Variants in ARHGAP39 observed in about 807,000 individuals in gnomAD.
ARHGAP39 encodes rho GTPase-activating protein 39.
ARHGAP39 carries 44 observed loss-of-function variants against 106.9 expected under a neutral mutation model. The observed-to-expected ratio is 0.41, with a 90% CI of 0.32 to 0.53. The LOEUF (loss-of-function observed/expected upper bound fraction) is 0.53, where lower values mean the gene tolerates loss of function less well. Ranked by LOEUF, ARHGAP39 falls within the 20% of genes least tolerant of loss-of-function variation. ARHGAP39 has a pLI of 0.21. For missense variants in ARHGAP39, 1,496 were observed against 1,577.3 expected, an observed-to-expected ratio of 0.95 and a Z score of 0.87; for synonymous variants, 768 against 693.2, an observed-to-expected ratio of 1.11 and a Z score of -1.69.
At chr8:144,692,829 G>A in the ARHGAP39 span, among the ~76,000 whole-genome samples, 2 of 139,176 alleles carry the variant, frequency 1.4e-5, no homozygotes, top group African/African-American at 2.7e-5. Context: ...GTGTGATCTC[G>A]GCTCACCACA....
intron 1 of ARHGAP39, among the ~76,000 whole-genome samples, chr8:144,662,475 TCC>T (rs1821853014): frequency 5.1e-5 from 3 of 59,142 alleles, no homozygotes; most frequent in Admixed American, 1.6e-4. Flanking sequence ...GGGTCACTCC[TCC>T]CCTCCCCATT....
intron 7 of ARHGAP39, among the ~76,000 whole-genome samples, chr8:144,536,404 G>A (rs572005145): frequency 6.6e-6 from 1 of 152,274 alleles, no homozygotes; most frequent in African/African-American, 2.4e-5. Context: ...GGGCCGCAAT[G>A]TCCCACTGGG....
At chr8:144,620,276 C>T (rs1409277859) in intron 1 of ARHGAP39, among the ~76,000 whole-genome samples, 17 of 134,100 alleles carry the variant, frequency 1.3e-4, no homozygotes, top group South Asian at 2.7e-4. Context: ...CGTGTGTGCC[C>T]GTGTCTGTTA....
chr8:144,554,651 ACT>A (rs962656868), intron 4 of ARHGAP39, among the ~76,000 whole-genome samples: 6 of 152,066 alleles, frequency 3.9e-5, no homozygotes, highest in African/African-American at 1.4e-4. Flanking sequence ...GAGCTCTGTC[ACT>A]CTGCAGTGAC....
chr8:144,660,882 G>T (rs769910618), intron 1 of ARHGAP39, among the ~76,000 whole-genome samples: 1 of 152,086 alleles, frequency 6.6e-6, no homozygotes, highest in Non-Finnish European at 1.5e-5. Flanking sequence ...TACTCGGGAC[G>T]CTGAGGCAGG....
At chr8:144,675,590 G>A (rs773849975) in intron 1 of ARHGAP39, among the ~76,000 whole-genome samples, 1 of 151,916 alleles carries the variant, frequency 6.6e-6, no homozygotes, top group Non-Finnish European at 1.5e-5. Flanking sequence ...GAGTGAAGCT[G>A]CAGACCTTTG....
chr8:144,596,836 C>G (rs1243145828), intron 2 of ARHGAP39, among the ~76,000 whole-genome samples: 1 of 152,212 alleles, frequency 6.6e-6, no homozygotes, highest in Non-Finnish European at 1.5e-5. Context: ...TCCTCCAGAC[C>G]CGCAAGGGTA....
chr8:144,677,998 T>C (rs1822286770), intron 1 of ARHGAP39, among the ~76,000 whole-genome samples: 1 of 151,656 alleles, frequency 6.6e-6, no homozygotes, highest in African/African-American at 2.4e-5. Context: ...TGTCAACGAG[T>C]CCCTCCCCCT....
At position 144,585,138 on chromosome 8, in the gene ARHGAP39, C is replaced by G. The variant is rs1819130758; in HGVS notation, c.81-3861G>C. Among the ~76,000 whole-genome samples the G allele has an allele frequency of 6.6e-6, 1 of 152,180 alleles. No individual in the cohort carries two copies. Among genetic ancestry groups the G allele is most frequent in the African/African-American group, 2.4e-5 (1 of 41,446 alleles). ...CGCCCTCTCCCGATTGGCCCTGTGTCCCTCTCTGCTTTCACAGGACCATTA... is the reference window on the plus strand; with the variant it reads ...CGCCCTCTCCCGATTGGCCCTGTGTGCCTCTCTGCTTTCACAGGACCATTA... On this transcript the variant is annotated intron_variant, in intron 2 of 11. Transcript: ENST00000377307. This position sits in a 1 kb window ranked among gnomAD's most constrained non-coding sequence, Gnocchi z 4.6.
Position 144,547,180 on chromosome 8 carries a change from C to G in ARHGAP39, c.1906G>C (p.Val636Leu), listed in dbSNP as rs117351287. The G allele has an allele frequency of 6.2e-7, 1 of 1,611,688 alleles. No homozygotes were observed. The highest frequency in any genetic ancestry group is 1.3e-5 in the African/African-American group (1 of 74,908). The change falls in exon 5 of 12, where the codon GTC becomes CTC. Residue 636 changes from valine to leucine, a missense_variant. Around this residue, in one of 4 missense-constraint regions of ARHGAP39, gnomAD observed 905 missense variants for 816.4 expected, o/e 1.11. Coordinates refer to ENST00000377307, the MANE Select transcript of ARHGAP39 (RefSeq NM_025251.3). This position sits in a 1 kb window ranked among gnomAD's most constrained non-coding sequence, Gnocchi z 5.2. ...GAGGCCAGGTTGGTCTGCACGGAGA[C>G]GCTCTTCTCCAGCAGGATCTGGGGG... ...GFPQILLEKS[V>L]SVQTNLASPE...
upstream of ARHGAP39, among the ~76,000 whole-genome samples, chr8:144,688,655 C>T (rs1011262543): frequency 3.9e-5 from 6 of 152,190 alleles, no homozygotes; most frequent in South Asian, 6.2e-4. Context: ...CTGGGAAGGT[C>T]GAGGCTGTGG....
chr8:144,539,904 C>CA (rs1452913889), intron 6 of ARHGAP39, among the ~76,000 whole-genome samples: 1 of 152,176 alleles, frequency 6.6e-6, no homozygotes, highest in Non-Finnish European at 1.5e-5. Flanking sequence ...ATTTTAGAAT[C>CA]AGCCTGTCAA....
At chr8:144,635,606 C>G (rs1821153542) in intron 1 of ARHGAP39, among the ~76,000 whole-genome samples, 1 of 152,228 alleles carries the variant, frequency 6.6e-6, no homozygotes, top group African/African-American at 2.4e-5. Context: ...TTGGTCAGAG[C>G]TCGGGTGAAT....
chr8:144,530,278 G>C lies in ARHGAP39; in HGVS notation c.*144C>G. The C allele has an allele frequency of 1.1e-6, 1 of 896,386 alleles. No homozygotes were observed. The highest frequency in any genetic ancestry group is 1.7e-6 in the Non-Finnish European group (1 of 604,352). 55.5% of individuals were successfully genotyped at this position (896,386 alleles called of 1,614,324 possible). On this transcript the variant is annotated 3_prime_UTR_variant, in exon 12 of 12. Transcript: ENST00000377307. ...CCTCAGACCAGGCAGAAGACGTGGG[G>C]AGCGCCGGGGCCAGGGGCCTGGGGG...
At position 144,555,587 on chromosome 8, in the gene ARHGAP39, C is replaced by T; in HGVS notation, c.569G>A (p.Ser190Asn). 1.2e-6 allele frequency: 2 copies of T among 1,614,092 alleles called. No individual in the cohort carries two copies. The highest frequency in any genetic ancestry group is 1.3e-5 in the African/African-American group (1 of 75,080). Reference protein sequence around the residue: ...EKDYEIYRDYSADGQLLHYRT... With the variant: ...EKDYEIYRDYNADGQLLHYRT... ...GTAGTGAAGAAGCTGGCCGTCCGCA[C>T]TGTAATCCCGGTAAATCTCATAGTC... The change falls in exon 4 of 12, where the codon AGT (serine) becomes AAT (asparagine). Residue 190 changes from serine (S) to asparagine (N), a missense_variant. Around this residue, in one of 4 missense-constraint regions of ARHGAP39, gnomAD observed 905 missense variants for 816.4 expected, o/e 1.11. Coordinates refer to ENST00000377307, the MANE Select transcript of ARHGAP39 (RefSeq NM_025251.3).
At chr8:144,636,439 T>C (rs762938421) in intron 1 of ARHGAP39, among the ~76,000 whole-genome samples, 3 of 152,042 alleles carry the variant, frequency 2.0e-5, no homozygotes, top group Non-Finnish European at 4.4e-5. Context: ...ACAGAAAAGA[T>C]GACAAAAGGA....
chr8:144,593,548 C>T (rs965661018), intron 2 of ARHGAP39, among the ~76,000 whole-genome samples: 3 of 152,202 alleles, frequency 2.0e-5, no homozygotes, highest in Non-Finnish European at 4.4e-5. Flanking sequence ...ACCAAAAGCA[C>T]ATGCAATAAG....
chr8:144,656,193 G>GAAAAAAAAAAAAAA (rs1821688612), intron 1 of ARHGAP39, among the ~76,000 whole-genome samples: 1 of 129,390 alleles, frequency 7.7e-6, no homozygotes. Context: ...TAGCAAATAA[G>GAAAAAAAAAAAAAA]GAAAAAAAAA....
intron 1 of ARHGAP39, among the ~76,000 whole-genome samples, chr8:144,637,697 ATCTC>A (rs779012200): frequency 9.9e-5 from 15 of 151,002 alleles, no homozygotes; most frequent in East Asian, 7.8e-4. Flanking sequence ...TTCTTTTTGC[ATCTC>A]TCTCTCTCTC....
Sources: gnomAD v4.1 joint callset for allele counts (sites outside exome capture counted in the v4.1 genomes callset) on GRCh38, gnomAD v4.1.1 for gene constraint, gnomAD v4.1.1 regional missense constraint, Gnocchi (gnomAD v3.1) non-coding constraint, MANE v1.5 for transcripts, NCBI Gene and HGNC (gene_info 2026-07-23, HGNC 2026-07-21) for gene names.